Variants in ENO1 observed in about 807,000 individuals in gnomAD.
ENO1 encodes enolase 1.
In ENO1, 33 loss-of-function variants were observed where a neutral mutation model predicts 46.3. The ratio of observed to expected loss-of-function variants is 0.71; its 90% CI spans 0.54 to 0.95. The LOEUF is 0.95. Among genes scored for constraint, ENO1 ranks in the 40% least tolerant of loss-of-function variants. ENO1 has a pLI of 0.00. For missense variants in ENO1, 488 were observed against 553.3 expected, an observed-to-expected ratio of 0.88 and a Z score of 1.18; for synonymous variants, 220 against 216.0, an observed-to-expected ratio of 1.02 and a Z score of -0.16.
chr1:8,871,380 G>C (rs1197342069), intron 3 of ENO1: 1 of 992,618 alleles, frequency 1.0e-6, no homozygotes, highest in East Asian at 1.1e-4. Context: ...ACAGCCAGAG[G>C]CTAGCTCTGC....
chr1:8,867,614 G>C (rs562876585), intron 5 of ENO1, among the ~76,000 whole-genome samples: 1 of 151,416 alleles, frequency 6.6e-6, no homozygotes, highest in Non-Finnish European at 1.5e-5. Flanking sequence ...GCAGTGCAGC[G>C]GCAGGATCTT....
rs11544497 is a variant in ENO1, at chr1:8,867,162, G to A, written c.399C>T (p.His133=). 1 of 1,614,190 alleles carries A rather than the reference G, an allele frequency of 6.2e-7. No homozygotes were observed. The highest frequency in any genetic ancestry group is 8.5e-7 in the Non-Finnish European group (1 of 1,180,014). ...CAGAGTTGCCAGCCAAGTCAGCGAT[G>A]TGGCGGTACAGGGGGACCCCCTTCT... ...AVEKGVPLYR[H]IADLAGNSEV... is the part of the protein sequence containing the mutation. The change falls in exon 6 of 12, where the codon CAC becomes CAT. Residue 133 remains histidine (H), a synonymous_variant. Transcript: ENST00000234590.
intron 2 of ENO1, among the ~76,000 whole-genome samples, chr1:8,872,857 G>A (rs542876913): frequency 2.0e-5 from 3 of 152,306 alleles, no homozygotes; most frequent in African/African-American, 7.2e-5. Flanking sequence ...ATAATAAAAT[G>A]CGCAGTTTAA....
chr1:8,868,065 GGA>G lies in ENO1; in HGVS notation c.241-10_241-9del, dbSNP rs1215787316. 6.2e-7 allele frequency: 1 copy of G among 1,611,838 alleles called. No homozygotes were observed. Among genetic ancestry groups the G allele is most frequent in the Admixed American group, 1.7e-5 (1 of 60,002 alleles). ...TTCTGTGACGTTCAGTTTCTACGAG[GGA>G]GAGGGGAGAATGAGGGGTTGGGGCC... On this transcript the variant is annotated splice_polypyrimidine_tract_variant and intron_variant, in intron 4 of 11. Coordinates refer to ENST00000234590, the MANE Select transcript of ENO1 (RefSeq NM_001428.5).
chr1:8,868,146 G>C, intron 4 of ENO1, 89 bp from the exon 5 acceptor site: 1 of 935,064 alleles, frequency 1.1e-6, no homozygotes, highest in Non-Finnish European at 1.7e-6. Context: ...CTTTGGAACT[G>C]TGTAATATCA....
At chr1:8,870,938 T>G (rs1040890290) in intron 3 of ENO1, 2 of 1,252,200 alleles carry the variant, frequency 1.6e-6, no homozygotes, top group African/African-American at 3.1e-5. Context: ...AGAGAACCGG[T>G]GATTAAGGAC....
intron 3 of ENO1, 171 bp downstream of exon 3, chr1:8,871,720 A>G: frequency 3.2e-6 from 4 of 1,264,088 alleles, no homozygotes; most frequent in Non-Finnish European, 4.3e-6. Flanking sequence ...CCACACACCA[A>G]CTTTCCTGTC....
chr1:8,867,045 G>A (rs1236537543), intron 6 of ENO1, 72 bp downstream of exon 6: 3 of 1,575,022 alleles, frequency 1.9e-6, no homozygotes, highest in Non-Finnish European at 2.6e-6. Flanking sequence ...CAAGGCATAG[G>A]AGGTCTCGGG....
rs568177448 is a variant in ENO1, at chr1:8,866,651, A to G, written c.445-150T>C. On this transcript the variant is annotated intron_variant, in intron 6 of 11. Coordinates refer to ENST00000234590, the MANE Select transcript of ENO1 (RefSeq NM_001428.5). ...CACCAGAGGGGCCAGGGTGCTGTGA[A>G]ATGCTCACCAGGTCTCTGACTCATG... 1,770 of 747,958 alleles carry G rather than the reference A, an allele frequency of 2.4e-3. 6 individuals carry two copies. The highest frequency in any genetic ancestry group is 3.6e-3 in the Non-Finnish European group (1,639 of 459,860). The allele number at this position is 747,958 out of a possible 1,614,324, so 46.3% of individuals were successfully genotyped here.
chr1:8,870,719 G>A (rs1043260754), intron 3 of ENO1: 28 of 1,434,164 alleles, frequency 2.0e-5, no homozygotes, highest in Non-Finnish European at 2.3e-5. Flanking sequence ...GAGGGTTAGA[G>A]CCACACAAAA....
At chr1:8,875,031 A>G in intron 1 of ENO1, 114 bp from the exon 2 acceptor site, 2 of 787,322 alleles carry the variant, frequency 2.5e-6, no homozygotes, top group Non-Finnish European at 4.0e-6. Context: ...GCACTGGACT[A>G]AATACTGGAT....
Position 8,862,866 on chromosome 1 carries a change from G to T in ENO1, c.1235+21C>A, listed in dbSNP as rs757777065. ...CCACCTAGTGAACCACAGGCCCCTT[G>T]TTCTCAGGAGCCCTCCTTACCTGAG... On this transcript the variant is annotated intron_variant, in intron 11 of 11. Coordinates refer to ENST00000234590, the MANE Select transcript of ENO1 (RefSeq NM_001428.5). 8.2e-5 allele frequency: 132 copies of T among 1,613,016 alleles called. No individual in the cohort carries two copies. In the South Asian group the frequency reaches 9.7e-4, roughly 12 times the overall value.
chr1:8,871,640 G>A (rs765566808), intron 3 of ENO1: 22 of 1,301,140 alleles, frequency 1.7e-5, no homozygotes, highest in Non-Finnish European at 2.1e-5. Context: ...CGCAGATTGG[G>A]AACAAACTGC....
At chr1:8,871,803 A>C in intron 3 of ENO1, 88 bp downstream of exon 3, 2 of 1,435,706 alleles carry the variant, frequency 1.4e-6, no homozygotes, top group Non-Finnish European at 1.9e-6. Flanking sequence ...CTGCAAGTGC[A>C]AGTGCCACCC....
At chr1:8,862,801 G>A in intron 11 of ENO1, 86 bp downstream of exon 11, 1 of 1,462,862 alleles carries the variant, frequency 6.8e-7, no homozygotes, top group Non-Finnish European at 9.4e-7. Flanking sequence ...AGAGCCAGGA[G>A]CTCCTGGGGG....
intron 2 of ENO1, among the ~76,000 whole-genome samples, chr1:8,873,345 G>A (rs1398642729): frequency 1.3e-5 from 2 of 152,054 alleles, no homozygotes; most frequent in East Asian, 3.9e-4. Context: ...GATGAGACAG[G>A]GAGAGAGAGA....
At position 8,872,012 on chromosome 1, in the gene ENO1, T is replaced by A. The variant is rs377371057; in HGVS notation, c.86-26A>T. Reference sequence around the variant, plus strand: ...CTGGATGAGAGGAAAAAAGATGTAGTAGCAATTCAGAAATCCAGTTCCAGC... The same window carrying A: ...CTGGATGAGAGGAAAAAAGATGTAGAAGCAATTCAGAAATCCAGTTCCAGC... On this transcript the variant is annotated intron_variant, in intron 2 of 11. Transcript: ENST00000234590. 3.8e-6 allele frequency: 6 copies of A among 1,598,548 alleles called. No individual in the cohort carries two copies. In the African/African-American group the frequency reaches 6.7e-5, roughly 18 times the overall value.
chr1:8,877,229 G>A (rs1262967125), intron 1 of ENO1, among the ~76,000 whole-genome samples: 2 of 152,048 alleles, frequency 1.3e-5, no homozygotes, highest in African/African-American at 4.8e-5. Flanking sequence ...TAGGATTACA[G>A]GCGTGAGCCA....
chr1:8,866,711 C>T (rs1188293780), intron 6 of ENO1: 1 of 607,062 alleles, frequency 1.6e-6, no homozygotes, highest in East Asian at 2.8e-5. Context: ...ACTGGTCTTG[C>T]CTAGAGGCTG....
Sources: allele counts gnomAD v4.1 joint callset (sites outside exome capture counted in the v4.1 genomes callset), GRCh38; gene constraint gnomAD v4.1.1; transcripts MANE v1.5; gene names NCBI Gene and HGNC (gene_info 2026-07-23, HGNC 2026-07-21).